Variants in CCNI observed in about 807,000 individuals in gnomAD.
The protein encoded by CCNI is cyclin-I.
CCNI carries 14 observed loss-of-function variants against 34.1 expected under a neutral mutation model. The observed-to-expected ratio is 0.41, with a 90% CI of 0.27 to 0.64. The LOEUF (loss-of-function observed/expected upper bound fraction) is 0.64, where lower values mean the gene tolerates loss of function less well. CCNI is among the 30% of genes least tolerant of loss of function. CCNI has a pLI of 0.31. For missense variants in CCNI, 385 were observed against 440.5 expected, an observed-to-expected ratio of 0.87 and a Z score of 1.13; for synonymous variants, 154 against 158.4, an observed-to-expected ratio of 0.97 and a Z score of 0.21.
At chr4:77,064,679 CT>C (rs78871457) in intron 2 of CCNI, 10,852 of 138,272 alleles carry the variant, frequency 0.078, 847 homozygotes, top group African/African-American at 0.21. Flanking sequence ...AATTTTTTTT[CT>C]TTTTTTTTTT....
chr4:77,059,844 C>T (rs904873018), intron 2 of CCNI, among the ~76,000 whole-genome samples: 3 of 152,034 alleles, frequency 2.0e-5, no homozygotes, highest in African/African-American at 7.2e-5. Flanking sequence ...GTTAAGCATT[C>T]AAGAGAAATT....
chr4:77,062,888 T>C (rs888073072), intron 2 of CCNI, among the ~76,000 whole-genome samples: 1 of 152,218 alleles, frequency 6.6e-6, no homozygotes, highest in Non-Finnish European at 1.5e-5. Flanking sequence ...AGAAGTTCTC[T>C]GCAAGTGCCA....
chr4:77,069,902 A>G (rs1264468463), intron 1 of CCNI, among the ~76,000 whole-genome samples: 2 of 151,944 alleles, frequency 1.3e-5, no homozygotes, highest in East Asian at 3.9e-4. Flanking sequence ...GAAGGGTGCT[A>G]TCATGCTCAC....
intron 6 of CCNI, among the ~76,000 whole-genome samples, chr4:77,052,019 G>C (rs1052034874): frequency 1.3e-5 from 2 of 151,138 alleles, no homozygotes; most frequent in Non-Finnish European, 2.9e-5. Flanking sequence ...TTATTAACTA[G>C]ATATATATTG....
chr4:77,071,548 A>C (rs1483543679), intron 1 of CCNI, among the ~76,000 whole-genome samples: 1 of 152,238 alleles, frequency 6.6e-6, no homozygotes, highest in Non-Finnish European at 1.5e-5. Context: ...CAGCAGTGAA[A>C]AGTCAATGAA....
chr4:77,051,305 G>A (rs567574584), intron 6 of CCNI, among the ~76,000 whole-genome samples: 91 of 152,290 alleles, frequency 6.0e-4, no homozygotes, highest in South Asian at 1.9e-3. Flanking sequence ...AAAAGGTAAA[G>A]GTACCACAAA....
In CCNI at chr4:77,048,190, T is replaced by C. The variant is rs951564407; in HGVS notation, c.*29A>G. Reference sequence around the variant, plus strand: ...TCATTCCCAAAGTAGTCTACCTTAGTTTACACTCAAAGGTAGCACTTGTTG... The same window carrying C: ...TCATTCCCAAAGTAGTCTACCTTAGCTTACACTCAAAGGTAGCACTTGTTG... On this transcript the variant is annotated 3_prime_UTR_variant, in exon 7 of 7. Coordinates refer to ENST00000237654, the MANE Select transcript of CCNI (RefSeq NM_006835.3). 4 of 1,565,258 alleles carry C rather than the reference T, an allele frequency of 2.6e-6. No individual in the cohort carries two copies. Among genetic ancestry groups the C allele is most frequent in the African/African-American group, 2.7e-5 (2 of 74,024 alleles).
At position 77,058,570 on chromosome 4, in the gene CCNI, G is replaced by T; in HGVS notation, c.180C>A (p.Asn60Lys). 6.2e-7 allele frequency: 1 copy of T among 1,613,028 alleles called. No individual in the cohort carries two copies. The highest frequency in any genetic ancestry group is 8.5e-7 in the Non-Finnish European group (1 of 1,179,106). ...QWLAKLKYQF[N>K]LYPETFALAS... ...CCAGAGCAAATGTTTCTGGGTAAAG[G>T]TTGAATTGGTACTTGAGTTTGGCCA... Residue 60 changes from asparagine to lysine, a missense_variant, in exon 3 of 7, where the codon AAC becomes AAA. Around this residue, in one of 2 missense-constraint regions of CCNI, gnomAD observed 135 missense variants for 191.8 expected, o/e 0.70. Coordinates refer to ENST00000237654, the MANE Select transcript of CCNI (RefSeq NM_006835.3).
intron 1 of CCNI, among the ~76,000 whole-genome samples, chr4:77,067,369 G>A: frequency 6.6e-6 from 1 of 152,134 alleles, no homozygotes. Flanking sequence ...AAGTTCTACT[G>A]AACAGTGCTC....
intron 3 of CCNI, chr4:77,056,584 A>T: frequency 3.2e-6 from 1 of 310,674 alleles, no homozygotes; most frequent in South Asian, 5.2e-5. Flanking sequence ...GTCTAGAGCT[A>T]ACTTTTTTTT....
rs546565131 is a variant in CCNI at position 77,064,561 on chromosome 4, T to TA, written c.114+1687dup. ...AAATGACTTGAATTCCCAACTAATC[T>TA]AAAAATCACACATGCGCGCGCGCGC... is the stretch of plus-strand genomic sequence containing the variant. On this transcript the variant is annotated intron_variant, in intron 2 of 6. Coordinates refer to ENST00000237654, the MANE Select transcript of CCNI (RefSeq NM_006835.3). Among the ~76,000 whole-genome samples the TA allele has an allele frequency of 2.5e-4, 36 of 143,184 alleles. 1 individual carries two copies. In the East Asian group the frequency reaches 6.6e-3, roughly 26 times the overall value. The allele number at this position is 143,184 out of a possible 152,430, so 93.9% of individuals were successfully genotyped here.
At chr4:77,071,028 C>T (rs1475037851) in intron 1 of CCNI, among the ~76,000 whole-genome samples, 2 of 152,168 alleles carry the variant, frequency 1.3e-5, no homozygotes, top group East Asian at 3.8e-4. Context: ...GATCCACCAG[C>T]CTTCACAAGC....
Position 77,075,470 on chromosome 4 carries a change from A to C in CCNI, c.-44+2T>G, listed in dbSNP as rs1165953373. 77 of 375,824 alleles carry C rather than the reference A, an allele frequency of 2.0e-4. No individual in the cohort carries two copies. Among genetic ancestry groups the C allele is most frequent in the Non-Finnish European group, 2.6e-4 (72 of 276,970 alleles). The allele number at this position is 375,824 out of a possible 1,614,324, so 23.3% of individuals were successfully genotyped here. ...GCCCCCGCCCCCGCCCCCGCCCCTCACCTTCTCCTCCTCTTCCTCCTCCTC... is the reference window on the plus strand; with the variant it reads ...GCCCCCGCCCCCGCCCCCGCCCCTCCCCTTCTCCTCCTCTTCCTCCTCCTC... On this transcript the variant is annotated splice_donor_variant, in intron 1 of 6. Coordinates refer to ENST00000237654, the MANE Select transcript of CCNI (RefSeq NM_006835.3). LOFTEE classifies it low-confidence loss of function (5UTR_SPLICE).
rs375040061 is a variant in CCNI, at chr4:77,062,757, C to T, written c.114+3492G>A. Among the ~76,000 whole-genome samples, 31 of 152,232 alleles carry T rather than the reference C, an allele frequency of 2.0e-4. 1 individual carries two copies. In the East Asian group the frequency reaches 5.6e-3, roughly 27 times the overall value. ...GTTTTATCTTTGTAAATCAAAAGCA[C>T]TTTGGCAAAATAAATTGAGAACATC... On this transcript the variant is annotated intron_variant, in intron 2 of 6. Transcript: ENST00000237654.
chr4:77,060,346 A>G (rs966122538), intron 2 of CCNI, among the ~76,000 whole-genome samples: 2 of 152,178 alleles, frequency 1.3e-5, no homozygotes, highest in Non-Finnish European at 2.9e-5. Context: ...AAACTACCCA[A>G]TTCTCTAATA....
chr4:77,049,159 TAA>T (rs1727670744), intron 6 of CCNI, among the ~76,000 whole-genome samples: 1 of 152,072 alleles, frequency 6.6e-6, no homozygotes, highest in East Asian at 1.9e-4. Flanking sequence ...CTAAGAATTT[TAA>T]AATAGTAAAT....
intron 1 of CCNI, among the ~76,000 whole-genome samples, chr4:77,073,109 T>C (rs1477007914): frequency 6.6e-6 from 1 of 152,278 alleles, no homozygotes; most frequent in Non-Finnish European, 1.5e-5. Context: ...GTATGCCTAT[T>C]GTTGGTTACA....
chr4:77,057,198 C>T (rs754977081), intron 3 of CCNI, among the ~76,000 whole-genome samples: 1 of 152,168 alleles, frequency 6.6e-6, no homozygotes, highest in Non-Finnish European at 1.5e-5. Flanking sequence ...CTACTTTTCA[C>T]AGATAATTCC....
intron 2 of CCNI, among the ~76,000 whole-genome samples, chr4:77,063,344 TAAAAAAAAAA>T (rs745761323): frequency 1.7e-4 from 13 of 77,250 alleles, no homozygotes; most frequent in South Asian, 5.6e-4. Context: ...GAAAGGGAGG[TAAAAAAAAAA>T]AAAAAAAAAA....
Sources: gnomAD v4.1 joint callset for allele counts (sites outside exome capture counted in the v4.1 genomes callset) on GRCh38, gnomAD v4.1.1 for gene constraint, gnomAD v4.1.1 regional missense constraint, MANE v1.5 for transcripts, NCBI Gene and HGNC (gene_info 2026-07-23, HGNC 2026-07-21) for gene names.